PRELID2: variants seen among roughly 807,000 people sequenced by gnomAD.
The protein encoded by PRELID2 is PRELI domain containing 2, also known as PRELI domain-containing protein 2.
PRELID2 carries 25 observed loss-of-function variants against 28.4 expected under a neutral mutation model. The ratio of observed to expected loss-of-function variants is 0.88; its 90% CI spans 0.64 to 1.23. The LOEUF (loss-of-function observed/expected upper bound fraction) is 1.23, where lower values mean the gene tolerates loss of function less well. Among genes scored for constraint, PRELID2 ranks in the 50% most tolerant of loss-of-function variants. The pLI, the probability that PRELID2 is intolerant of heterozygous loss-of-function variation, is 0.00. For synonymous variants in PRELID2, 76 were observed against 71.6 expected, an observed-to-expected ratio of 1.06 and a Z score of -0.31; for missense variants, 201 against 214.4, an observed-to-expected ratio of 0.94 and a Z score of 0.39.
the PRELID2 span, among the ~76,000 whole-genome samples, chr5:145,464,951 A>G: frequency 6.6e-6 from 1 of 152,176 alleles, no homozygotes; most frequent in African/African-American, 2.4e-5. Context: ...AAAGTCCCTC[A>G]AAAATGTAAA....
intron 1 of PRELID2, among the ~76,000 whole-genome samples, chr5:145,518,728 G>A (rs900543117): frequency 2.0e-5 from 3 of 152,126 alleles, no homozygotes; most frequent in African/African-American, 4.8e-5. Flanking sequence ...TTTTTTCCAC[G>A]AGGAGATACC....
At chr5:145,659,603 A>G (rs1754455226) in intron 1 of PRELID2, among the ~76,000 whole-genome samples, 1 of 152,156 alleles carries the variant, frequency 6.6e-6, no homozygotes, top group African/African-American at 2.4e-5. Flanking sequence ...GCATGGTGGG[A>G]AAGGGACTCA....
chr5:145,688,074 G>A (rs959156515), intron 1 of PRELID2, among the ~76,000 whole-genome samples: 2 of 152,176 alleles, frequency 1.3e-5, no homozygotes, highest in African/African-American at 4.8e-5. Flanking sequence ...GCAAGGGCTT[G>A]ACAAGGTTTC....
At chr5:145,589,251 A>T (rs1753194346) in intron 1 of PRELID2, among the ~76,000 whole-genome samples, 1 of 152,198 alleles carries the variant, frequency 6.6e-6, no homozygotes, top group African/African-American at 2.4e-5. Flanking sequence ...AGGCTCTGGT[A>T]AATGTCCTTG....
the PRELID2 span, among the ~76,000 whole-genome samples, chr5:145,325,945 C>T: frequency 6.6e-6 from 1 of 152,182 alleles, no homozygotes; most frequent in African/African-American, 2.4e-5. Flanking sequence ...ACTGACACCA[C>T]ATGAACGCTC....
intron 6 of PRELID2, among the ~76,000 whole-genome samples, chr5:145,762,818 T>C (rs1463132023): frequency 1.3e-5 from 2 of 152,174 alleles, no homozygotes; most frequent in African/African-American, 4.8e-5. Context: ...TAATCAAAAG[T>C]TGACCGAATA....
In PRELID2 at chr5:145,820,343, T is replaced by C. The variant is rs538161219; in HGVS notation, c.134-325A>G. Among the ~76,000 whole-genome samples, 13 of 152,226 alleles carry C rather than the reference T, an allele frequency of 8.5e-5. 1 individual carries two copies. The South Asian group carries it at 1.2e-3, about 15-fold the overall frequency. On this transcript the variant is annotated intron_variant, in intron 2 of 6. Transcript: ENST00000683046. ...TCAGGGCCGAATCAGGTATTCCTTA[T>C]CTGGGATGAAGGAATAAGGGTACAA...
intron 1 of PRELID2, among the ~76,000 whole-genome samples, chr5:145,536,195 T>C (rs141702985): frequency 6.6e-6 from 1 of 152,060 alleles, no homozygotes; most frequent in East Asian, 1.9e-4. Context: ...AGAAATGGGT[T>C]TGAAAATTGC....
downstream of PRELID2, among the ~76,000 whole-genome samples, chr5:145,469,121 C>T (rs997669959): frequency 6.6e-6 from 1 of 151,976 alleles, no homozygotes. Context: ...AAGTAGCAGC[C>T]CCTCTCTTCA....
chr5:145,319,727 A>T, the PRELID2 span, among the ~76,000 whole-genome samples: 1 of 129,928 alleles, frequency 7.7e-6, no homozygotes, highest in East Asian at 2.3e-4. Flanking sequence ...AAATAAATAA[A>T]TAATTTTTAA....
chr5:145,310,598 C>T, the PRELID2 span, among the ~76,000 whole-genome samples: 1 of 152,150 alleles, frequency 6.6e-6, no homozygotes, highest in East Asian at 1.9e-4. Flanking sequence ...TGATATCAGG[C>T]CACATCTTCC....
At chr5:145,461,008 T>C in the PRELID2 span, among the ~76,000 whole-genome samples, 1 of 152,192 alleles carries the variant, frequency 6.6e-6, no homozygotes, top group South Asian at 2.1e-4. Context: ...ATGAGTGACT[T>C]CTCAGATTTT....
At chr5:145,242,774 A>T in the PRELID2 span, among the ~76,000 whole-genome samples, 1 of 152,224 alleles carries the variant, frequency 6.6e-6, no homozygotes, top group African/African-American at 2.4e-5. Context: ...AATGCCAGAA[A>T]TGTAAAATGT....
At chr5:145,356,530 G>C in the PRELID2 span, among the ~76,000 whole-genome samples, 2 of 150,740 alleles carry the variant, frequency 1.3e-5, no homozygotes, top group African/African-American at 4.9e-5. Context: ...TAATACCTTT[G>C]TCTTTTTTTT....
chr5:145,488,220 A>G (rs544945088), intron 1 of PRELID2, among the ~76,000 whole-genome samples: 1 of 152,144 alleles, frequency 6.6e-6, no homozygotes, highest in African/African-American at 2.4e-5. Flanking sequence ...GGAAGACTGG[A>G]AAGTTCAAGA....
the PRELID2 span, among the ~76,000 whole-genome samples, chr5:145,305,994 C>A: frequency 6.6e-6 from 1 of 152,162 alleles, no homozygotes; most frequent in East Asian, 1.9e-4. Flanking sequence ...AAATAGTGAA[C>A]TTGCTAAAGC....
chr5:145,273,917 G>T, the PRELID2 span, among the ~76,000 whole-genome samples: 2 of 152,104 alleles, frequency 1.3e-5, no homozygotes, highest in African/African-American at 2.4e-5. Flanking sequence ...AGGTACTGAG[G>T]TGAGAAGGAG....
intron 4 of PRELID2, among the ~76,000 whole-genome samples, chr5:145,806,150 A>C (rs6883479): frequency 0.86 from 130,845 of 152,088 alleles, 56,459 homozygotes; most frequent in East Asian, 0.92. Flanking sequence ...AATAAATTAA[A>C]CTTAGATTAT....
At chr5:145,392,958 C>T in the PRELID2 span, among the ~76,000 whole-genome samples, 1 of 152,232 alleles carries the variant, frequency 6.6e-6, no homozygotes, top group East Asian at 1.9e-4. Flanking sequence ...CTCATTTGTC[C>T]AGCTGAGGGC....
Sources: allele counts gnomAD v4.1 joint callset (sites outside exome capture counted in the v4.1 genomes callset), GRCh38; gene constraint gnomAD v4.1.1; transcripts MANE v1.5; gene names NCBI Gene and HGNC (gene_info 2026-07-23, HGNC 2026-07-21).